GPRC5B: variants seen among roughly 807,000 people sequenced by gnomAD.
GPRC5B encodes G protein-coupled receptor class C group 5 member B, also known as G protein-coupled receptor family C group 5 member B.
A neutral mutation model predicts 30.1 loss-of-function variants in GPRC5B; 16 were observed. The ratio of observed to expected loss-of-function variants is 0.53; its 90% confidence interval spans 0.36 to 0.81. The LOEUF (loss-of-function observed/expected upper bound fraction) is 0.81, where lower values mean the gene tolerates loss of function less well. Among genes scored for constraint, GPRC5B ranks in the 30% least tolerant of loss-of-function variants. The pLI is 0.01. For missense variants in GPRC5B, 428 were observed against 544.7 expected (o/e 0.79, Z 2.13); for synonymous variants, 241 against 239.5 (o/e 1.01, Z -0.06).
Position 19,860,046 on chromosome 16 carries a change from C to CA in GPRC5B, c.*453dup, listed in dbSNP as rs2056608053. 6.1e-6 allele frequency: 1 copy of CA among 163,366 alleles called. No individual in the cohort carries two copies. Among genetic ancestry groups the CA allele is most frequent in the East Asian group, 1.9e-4 (1 of 5,348 alleles). 10.1% of individuals were successfully genotyped at this position (163,366 alleles called of 1,614,324 possible). A position where few individuals can be genotyped will look rare whatever the true frequency, so the allele number is the denominator to read the frequency against. ...GCAAAGTCCCCATTTGTCCTCAACGCAACGGTCATCTCCAAGAGGCTACCT... is the reference window on the plus strand; with the variant it reads ...GCAAAGTCCCCATTTGTCCTCAACGCAAACGGTCATCTCCAAGAGGCTACCT... On this transcript the variant is annotated 3_prime_UTR_variant, in exon 4 of 4. Coordinates refer to ENST00000300571, the MANE Select transcript of GPRC5B (RefSeq NM_016235.3).
chr16:19,881,211 C>A (rs1690401), intron 1 of GPRC5B, among the ~76,000 whole-genome samples: 23,227 of 152,142 alleles, frequency 0.15, 2,012 homozygotes, highest in Non-Finnish European at 0.19. Flanking sequence ...CTCTGAACCT[C>A]GGTCTCTTCA....
intron 2 of GPRC5B, among the ~76,000 whole-genome samples, chr16:19,863,502 T>C (rs1160343124): frequency 6.8e-6 from 1 of 146,840 alleles, no homozygotes; most frequent in East Asian, 2.0e-4. Flanking sequence ...TTTTTTTTTT[T>C]TTTTTTTTTT....
chr16:19,880,436 A>ATAAAATAAAATAAAATAAAG, intron 1 of GPRC5B, among the ~76,000 whole-genome samples: 1 of 108,110 alleles, frequency 9.2e-6, no homozygotes, highest in Non-Finnish European at 2.3e-5. Flanking sequence ...TATAAATAAA[A>ATAAAATAAAATAAAATAAAG]TAAAATAAAA....
At chr16:19,878,540 C>T (rs1178465218) in intron 1 of GPRC5B, among the ~76,000 whole-genome samples, 5 of 152,074 alleles carry the variant, frequency 3.3e-5, no homozygotes, top group African/African-American at 4.8e-5. Flanking sequence ...GTGATCTGCC[C>T]GCCTCAGCCT....
At position 19,884,604 on chromosome 16, in the gene GPRC5B, G is replaced by C. The variant is rs1009965637; in HGVS notation, c.-2+123C>G. The stretch of plus-strand genomic sequence containing the variant: ...CCCCCAGCAATAAACTCCCTGGCTT[G>C]GGTTGGGGGGGCGCTTAGAAAAACA... On this transcript the variant is annotated intron_variant, in intron 1 of 3. Coordinates refer to ENST00000300571, the MANE Select transcript of GPRC5B (RefSeq NM_016235.3). 10 of 696,512 alleles carry C rather than the reference G, an allele frequency of 1.4e-5. No individual in the cohort carries two copies. In the African/African-American group the frequency reaches 1.6e-4, roughly 11 times the overall value. The allele number at this position is 696,512 out of a possible 1,614,324, so 43.1% of individuals were successfully genotyped here. A position where few individuals can be genotyped will look rare whatever the true frequency, so the allele number is the denominator to read the frequency against.
chr16:19,869,979 G>A (rs779738427), intron 2 of GPRC5B, among the ~76,000 whole-genome samples: 10 of 152,172 alleles, frequency 6.6e-5, no homozygotes, highest in African/African-American at 1.9e-4. Context: ...GGAGGCTGAG[G>A]TGGGAGGACT....
chr16:19,861,249 C>T (rs1009030242), intron 3 of GPRC5B, among the ~76,000 whole-genome samples: 1 of 152,174 alleles, frequency 6.6e-6, no homozygotes, highest in African/African-American at 2.4e-5. Context: ...GAGAGTGCAT[C>T]TTTGGATTGC....
rs564301504 is a variant in GPRC5B, at chr16:19,860,810, T to C, written c.1168-266A>G. Among the ~76,000 whole-genome samples, 3 of 152,264 alleles carry C rather than the reference T, an allele frequency of 2.0e-5. No homozygotes were observed. The East Asian group carries it at 5.8e-4, about 29-fold the overall frequency. ...CAGTCTTGACTATTTTTTCACACAC[T>C]GGCCTTGAAGGAACCAGGAGGGCTT... On this transcript the variant is annotated intron_variant, in intron 3 of 3. Coordinates refer to ENST00000300571, the MANE Select transcript of GPRC5B (RefSeq NM_016235.3).
intron 1 of GPRC5B, among the ~76,000 whole-genome samples, chr16:19,874,273 C>T (rs965103597): frequency 4.6e-5 from 7 of 152,086 alleles, no homozygotes; most frequent in Admixed American, 3.3e-4. Context: ...TGGGCCTAAC[C>T]CAAGTCTCCT....
intron 1 of GPRC5B, among the ~76,000 whole-genome samples, chr16:19,880,082 G>A (rs926431763): frequency 5.9e-5 from 9 of 151,776 alleles, no homozygotes; most frequent in South Asian, 4.2e-4. Flanking sequence ...GCAGTGAGCC[G>A]TGACTGAGCC....
chr16:19,872,856 C>T lies in GPRC5B; in HGVS notation c.-1-10G>A. The T allele has an allele frequency of 1.3e-6, 2 of 1,599,072 alleles. No individual in the cohort carries two copies. The highest frequency in any genetic ancestry group is 1.7e-6 in the Non-Finnish European group (2 of 1,168,480). ...TGATGCCACGAACATTCTAGAAAAG[C>T]CAAGAGGGGAATGGTTGGGGGGAAG... On this transcript the variant is annotated splice_polypyrimidine_tract_variant and intron_variant, in intron 1 of 3. Coordinates refer to ENST00000300571, the MANE Select transcript of GPRC5B (RefSeq NM_016235.3). This position sits in a 1 kb window ranked among gnomAD's most constrained non-coding sequence, Gnocchi z 5.0.
intron 1 of GPRC5B, among the ~76,000 whole-genome samples, chr16:19,883,798 C>T (rs1420322858): frequency 6.6e-6 from 1 of 152,242 alleles, no homozygotes; most frequent in East Asian, 1.9e-4. Flanking sequence ...AGAGCAAGGA[C>T]GGAGGAGTGA....
rs962845729 is a variant in GPRC5B, at chr16:19,859,967, C to G, written c.*533G>C. ...CTCACCTTGGAATCCCACCCACAAC[C>G]TCCTTAACTCTCCTGACCCCCCTGA... is the stretch of plus-strand genomic sequence containing the variant. On this transcript the variant is annotated 3_prime_UTR_variant, in exon 4 of 4. Coordinates refer to ENST00000300571, the MANE Select transcript of GPRC5B (RefSeq NM_016235.3). The G allele has an allele frequency of 6.5e-6, 1 of 153,424 alleles. No homozygotes were observed. The highest frequency in any genetic ancestry group is 2.4e-5 in the African/African-American group (1 of 41,456). The allele number at this position is 153,424 out of a possible 1,614,324, so 9.5% of individuals were successfully genotyped here.
At chr16:19,875,794 A>G (rs1274841206) in intron 1 of GPRC5B, among the ~76,000 whole-genome samples, 1 of 152,154 alleles carries the variant, frequency 6.6e-6, no homozygotes, top group Non-Finnish European at 1.5e-5. Flanking sequence ...ATAAATAAAT[A>G]AAAATAAAAT....
intron 2 of GPRC5B, among the ~76,000 whole-genome samples, chr16:19,867,093 T>A (rs2056673826): frequency 6.6e-6 from 1 of 152,224 alleles, no homozygotes; most frequent in Admixed American, 6.5e-5. Flanking sequence ...TTGCCTGACA[T>A]CCCCGGGCTC....
intron 1 of GPRC5B, chr16:19,882,384 T>G (rs1008624385): frequency 2.6e-5 from 4 of 152,212 alleles, no homozygotes; most frequent in African/African-American, 9.7e-5. Context: ...CAGGCTGTAA[T>G]TCCGAGAAGA....
At chr16:19,871,603 CAA>C (rs2056719943) in intron 2 of GPRC5B, among the ~76,000 whole-genome samples, 1 of 152,190 alleles carries the variant, frequency 6.6e-6, no homozygotes, top group Non-Finnish European at 1.5e-5. Flanking sequence ...GCCTGGGTGA[CAA>C]GAGCGAAAAT....
chr16:19,884,362 T>C (rs944414005), intron 1 of GPRC5B, among the ~76,000 whole-genome samples: 1 of 150,604 alleles, frequency 6.6e-6, no homozygotes, highest in Non-Finnish European at 1.5e-5. Context: ...TCCTCACACA[T>C]GACGAGTCAC....
At chr16:19,860,889 A>G (rs1480079438) in intron 3 of GPRC5B, among the ~76,000 whole-genome samples, 1 of 152,122 alleles carries the variant, frequency 6.6e-6, no homozygotes, top group Non-Finnish European at 1.5e-5. Flanking sequence ...ACACAGGCCG[A>G]ATGCTTGTGA....
Sources: gnomAD v4.1 joint callset for allele counts (sites outside exome capture counted in the v4.1 genomes callset) on GRCh38, gnomAD v4.1.1 for gene constraint, Gnocchi (gnomAD v3.1) non-coding constraint, MANE v1.5 for transcripts, NCBI Gene and HGNC (gene_info 2026-07-23, HGNC 2026-07-21) for gene names.